Variants in KNL1 observed in about 807,000 individuals in gnomAD.
KNL1 encodes kinetochore scaffold 1.
In KNL1, 66 loss-of-function variants were observed where a neutral mutation model predicts 201.3. The ratio of observed to expected loss-of-function variants is 0.33; its 90% confidence interval spans 0.27 to 0.40. KNL1 has a LOEUF of 0.40. Among genes scored for constraint, KNL1 ranks in the 10% least tolerant of loss-of-function variants. The probability of loss-of-function intolerance (pLI) is 1.00; values close to 1 mark genes in which losing one functional copy is unlikely to be tolerated. For synonymous variants in KNL1, 895 were observed against 899.2 expected (o/e 1.00, Z 0.08); for missense variants, 2,815 against 2,690.5 (o/e 1.05, Z -1.02).
In KNL1 at chr15:40,663,263, G is replaced by C. The variant is rs28708583; in HGVS notation, c.*1075G>C. 780 of 167,176 alleles carry C rather than the reference G, an allele frequency of 4.7e-3. 2 individuals carry two copies. The highest frequency in any genetic ancestry group is 7.8e-3 in the Non-Finnish European group (599 of 76,630). 10.4% of individuals were successfully genotyped at this position (167,176 alleles called of 1,614,324 possible). On this transcript the variant is annotated 3_prime_UTR_variant, in exon 26 of 26. Transcript: ENST00000399668. The stretch of plus-strand genomic sequence containing the variant: ...TTTAGTAGAAATGGGGTTTCACGAT[G>C]TTAGCCAGGATGGTCTCGATCTCCT...
chr15:40,644,897 C>T, intron 14 of KNL1, 100 bp from the exon 15 acceptor site: 1 of 655,402 alleles, frequency 1.5e-6, no homozygotes, highest in Non-Finnish European at 2.6e-6. Flanking sequence ...AGGTCTTTTT[C>T]CAAATGGAGT....
chr15:40,606,500 T>C, intron 4 of KNL1, 48 bp downstream of exon 4: 2 of 1,076,756 alleles, frequency 1.9e-6, no homozygotes, highest in East Asian at 4.7e-5. Context: ...TTCAGTTATA[T>C]TTTTAAGTCA....
intron 1 of KNL1, among the ~76,000 whole-genome samples, chr15:40,600,453 CAGGAA>C (rs1166207911): frequency 6.6e-6 from 1 of 152,092 alleles, no homozygotes; most frequent in East Asian, 1.9e-4. Context: ...GAGGTGGTTG[CAGGAA>C]AGGAAGTTAA....
At chr15:40,649,626 G>T (rs1893494972) in intron 17 of KNL1, among the ~76,000 whole-genome samples, 1 of 149,000 alleles carries the variant, frequency 6.7e-6, no homozygotes, top group Admixed American at 6.7e-5. Flanking sequence ...AAAAAGAGAG[G>T]CAGAGTCTCA....
chr15:40,608,704 C>A, intron 4 of KNL1, 143 bp from the exon 5 acceptor site: 1 of 550,712 alleles, frequency 1.8e-6, no homozygotes, highest in Non-Finnish European at 3.2e-6. Context: ...AAGATCACAC[C>A]GTTGCACTCC....
intron 8 of KNL1, chr15:40,615,994 T>TG (rs34721480): frequency 1 from 151,158 of 151,176 alleles, 75,570 homozygotes; most frequent in East Asian, 1. Context: ...CTCGAACTGC[T>TG]ACCCTCGTGA....
intron 17 of KNL1, among the ~76,000 whole-genome samples, chr15:40,649,186 A>G (rs556706353): frequency 1.5e-4 from 23 of 151,582 alleles, no homozygotes; most frequent in African/African-American, 5.1e-4. Flanking sequence ...AAAAAGTCCA[A>G]ACTTCTGAGC....
chr15:40,645,333 TG>T (rs2141752596), intron 15 of KNL1, among the ~76,000 whole-genome samples: 1 of 152,360 alleles, frequency 6.6e-6, no homozygotes, highest in African/African-American at 2.4e-5. Context: ...CCTTGCTATT[TG>T]CCTTTCACTT....
Position 40,608,544 on chromosome 15 carries a change from G to A in KNL1, c.136-303G>A, listed in dbSNP as rs192126840. Among the ~76,000 whole-genome samples, 610 of 151,580 alleles carry A rather than the reference G, an allele frequency of 4.0e-3. 8 individuals carry two copies. Among genetic ancestry groups the A allele is most frequent in the African/African-American group, 0.014 (592 of 41,314 alleles). ...GCCGATCACCTGAGGTCGGGAGTTCGAGACCAGCCTGACCAACATGGAGAA... is the reference window on the plus strand; with the variant it reads ...GCCGATCACCTGAGGTCGGGAGTTCAAGACCAGCCTGACCAACATGGAGAA... On this transcript the variant is annotated intron_variant, in intron 4 of 25. Transcript: ENST00000399668.
intron 4 of KNL1, 136 bp downstream of exon 4, chr15:40,606,588 T>C (rs1187323113): frequency 1.9e-6 from 1 of 539,850 alleles, no homozygotes; most frequent in Admixed American, 3.0e-5. Context: ...ACTGGCATTC[T>C]TGATTTTTCA....
At chr15:40,650,643 T>G (rs1310012919) in intron 19 of KNL1, 60 bp downstream of exon 19, 5 of 1,426,484 alleles carry the variant, frequency 3.5e-6, no homozygotes, top group Non-Finnish European at 4.7e-6. Flanking sequence ...GCTAGATGAC[T>G]TCCTGCCTCC....
chr15:40,654,955 C>T lies in KNL1; in HGVS notation c.6462C>T (p.Val2154=). ...AGCGTTATAGGAAGATTGTTGATGT[C>T]AATTTTCAATCTCTGTTAGATGGTA... ...LDKRYRKIVD[V]NFQSLLDEDQ... is the part of the protein sequence containing the mutation. Residue 2154 remains valine (V), a synonymous_variant, in exon 22 of 26, where the codon GTC becomes GTT. Coordinates refer to ENST00000399668, the MANE Select transcript of KNL1 (RefSeq NM_144508.5). 6.2e-7 allele frequency: 1 copy of T among 1,612,622 alleles called. No homozygotes were observed. The highest frequency in any genetic ancestry group is 8.5e-7 in the Non-Finnish European group (1 of 1,179,120).
chr15:40,610,448 G>GACAC, intron 6 of KNL1, 151 bp downstream of exon 6: 1 of 595,828 alleles, frequency 1.7e-6, no homozygotes, highest in Non-Finnish European at 3.0e-6. Flanking sequence ...CTGTGATCCC[G>GACAC]ACACTTTGGC....
In KNL1 at chr15:40,640,903, T is replaced by G. The variant is rs1595938715; in HGVS notation, c.5683-9T>G. Reference sequence around the variant, plus strand: ...TACCAGTTCTCAGGGACTGAATTTTTTTTTCCAGTTTACTGTAAACACACC... The same window carrying G: ...TACCAGTTCTCAGGGACTGAATTTTGTTTTCCAGTTTACTGTAAACACACC... On this transcript the variant is annotated splice_polypyrimidine_tract_variant and intron_variant, in intron 13 of 25. Coordinates refer to ENST00000399668, the MANE Select transcript of KNL1 (RefSeq NM_144508.5). 1.9e-6 allele frequency: 3 copies of G among 1,563,156 alleles called. No individual in the cohort carries two copies. In the South Asian group the frequency reaches 3.4e-5, roughly 18 times the overall value.
At chr15:40,644,883 G>A (rs1326796023) in intron 14 of KNL1, 114 bp from the exon 15 acceptor site, 2 of 610,530 alleles carry the variant, frequency 3.3e-6, no homozygotes, top group Admixed American at 2.5e-5. Flanking sequence ...GTTGTTCAAA[G>A]TACAGGTCTT....
At chr15:40,613,104 A>G (rs894502650) in intron 7 of KNL1, among the ~76,000 whole-genome samples, 2 of 152,290 alleles carry the variant, frequency 1.3e-5, no homozygotes, top group East Asian at 3.9e-4. Context: ...TAAATTGTAC[A>G]TTTTCCATAT....
intron 1 of KNL1, among the ~76,000 whole-genome samples, chr15:40,598,864 C>T (rs1283598910): frequency 2.6e-5 from 4 of 151,746 alleles, no homozygotes; most frequent in South Asian, 2.1e-4. Flanking sequence ...AGTCTAGTGG[C>T]GTGATCACGG....
At chr15:40,647,451 G>C (rs1478293453) in intron 17 of KNL1, among the ~76,000 whole-genome samples, 2 of 151,994 alleles carry the variant, frequency 1.3e-5, no homozygotes, top group Non-Finnish European at 2.9e-5. Flanking sequence ...TCCAGCCTGG[G>C]TGGCAGAGCG....
intron 1 of KNL1, among the ~76,000 whole-genome samples, chr15:40,598,613 T>G (rs1891689474): frequency 6.6e-6 from 1 of 151,464 alleles, no homozygotes; most frequent in African/African-American, 2.4e-5. Context: ...AATGAGTGGG[T>G]TGGGGATATT....
Sources: gnomAD v4.1 joint callset for allele counts (sites outside exome capture counted in the v4.1 genomes callset) on GRCh38, gnomAD v4.1.1 for gene constraint, MANE v1.5 for transcripts, NCBI Gene and HGNC (gene_info 2026-07-23, HGNC 2026-07-21) for gene names.